Variants in SLC4A4 observed in about 807,000 individuals in gnomAD.
The protein encoded by SLC4A4 is electrogenic sodium bicarbonate cotransporter 1.
A neutral mutation model predicts 111.5 loss-of-function variants in SLC4A4; 27 were observed. The observed-to-expected ratio is 0.24, with a 90% CI of 0.18 to 0.33. SLC4A4 has a LOEUF of 0.33. Among genes scored for constraint, SLC4A4 ranks in the 10% least tolerant of loss-of-function variants. SLC4A4 has a pLI of 1.00. For synonymous variants in SLC4A4, 443 were observed against 463.4 expected (o/e 0.96, Z 0.57); for missense variants, 909 against 1,315.5 (o/e 0.69, Z 4.78).
intron 16 of SLC4A4, among the ~76,000 whole-genome samples, chr4:71,526,803 A>G (rs1733459695): frequency 6.6e-6 from 1 of 151,948 alleles, no homozygotes; most frequent in Admixed American, 6.6e-5. Context: ...CTAGGGGAGA[A>G]TGTGTTTCTT....
rs544199233 is a variant in SLC4A4 at position 71,131,386 on chromosome 4, C to T, written c.-2+38594C>T. On this transcript the variant is annotated intron_variant, in intron 2 of 26. Coordinates refer to the SLC4A4 transcript ENST00000649996. ...CAAGAAACTACTCATCCTAAAAGCT[C>T]GAGATCACTGGGAACTGCGTGACTT... 4.6e-5 allele frequency among the ~76,000 whole-genome samples: 7 copies of T among 152,226 alleles called. No homozygotes were observed. The East Asian group carries it at 1.4e-3, about 29-fold the overall frequency.
chr4:71,143,493 T>C (rs1744069253), intron 2 of SLC4A4, among the ~76,000 whole-genome samples: 1 of 152,200 alleles, frequency 6.6e-6, no homozygotes, highest in Non-Finnish European at 1.5e-5. Flanking sequence ...CAAATGGTAT[T>C]TCTAATTCTA....
At chr4:71,563,624 AG>A (rs1737185275) in intron 23 of SLC4A4, among the ~76,000 whole-genome samples, 168 bp from the exon 24 acceptor site, 1 of 151,968 alleles carries the variant, frequency 6.6e-6, no homozygotes, top group African/African-American at 2.4e-5. Context: ...AACAAATGTG[AG>A]GGGGAAAGAA....
chr4:71,548,002 C>T (rs1183459054), intron 20 of SLC4A4, among the ~76,000 whole-genome samples: 1 of 151,810 alleles, frequency 6.6e-6, no homozygotes, highest in Non-Finnish European at 1.5e-5. Context: ...TAGTTTCATG[C>T]AATTGAATCA....
chr4:71,286,108 C>A (rs1236885144), intron 3 of SLC4A4, among the ~76,000 whole-genome samples: 1 of 152,088 alleles, frequency 6.6e-6, no homozygotes, highest in Non-Finnish European at 1.5e-5. Flanking sequence ...GGCATGGTGG[C>A]GGGCGCCTAT....
intron 18 of SLC4A4, among the ~76,000 whole-genome samples, chr4:71,535,792 G>A (rs141828846): frequency 2.4e-4 from 37 of 152,106 alleles, no homozygotes; most frequent in Admixed American, 6.6e-4. Context: ...TTCAATACAA[G>A]GCAGTTCATA....
At chr4:71,559,961 GATCAGGTCTGTC>G in intron 22 of SLC4A4, 120 bp from the exon 23 acceptor site, 1 of 723,156 alleles carries the variant, frequency 1.4e-6, no homozygotes, top group Non-Finnish European at 2.5e-6. Context: ...ATACCGTCAA[GATCAGGTCTGTC>G]ATACTCTATC....
rs112817507 is a variant in SLC4A4 at position 71,153,203 on chromosome 4, A to G, written c.-2+60411A>G. Among the ~76,000 whole-genome samples the G allele has an allele frequency of 5.4e-3, 824 of 152,024 alleles. 8 individuals carry two copies. The highest frequency in any genetic ancestry group is 0.018 in the African/African-American group (765 of 41,476). Reference sequence around the variant, plus strand: ...TGTTTGAGGGCAGGAAGCATCCAGTACAGGAGAAAGATGTAGGCTGGGAGG... The same window carrying G: ...TGTTTGAGGGCAGGAAGCATCCAGTGCAGGAGAAAGATGTAGGCTGGGAGG... On this transcript the variant is annotated intron_variant, in intron 2 of 26. Transcript: ENST00000649996.
chr4:71,125,448 G>A (rs1428141972), intron 2 of SLC4A4, among the ~76,000 whole-genome samples: 1 of 152,160 alleles, frequency 6.6e-6, no homozygotes, highest in African/African-American at 2.4e-5. Context: ...GGTGGCACAG[G>A]CCTCAGGAGG....
At chr4:71,084,030 G>GA (rs1445547804) in intron 1 of SLC4A4, among the ~76,000 whole-genome samples, 2 of 151,608 alleles carry the variant, frequency 1.3e-5, no homozygotes, top group Non-Finnish European at 2.9e-5. Flanking sequence ...CTGTCTCTGT[G>GA]TGTGTGCATT....
chr4:71,296,239 A>G (rs1724778682), intron 3 of SLC4A4, among the ~76,000 whole-genome samples: 3 of 152,236 alleles, frequency 2.0e-5, no homozygotes, highest in Admixed American at 2.0e-4. Context: ...TGGAGCAGAA[A>G]GTGAAAGTCT....
In SLC4A4 at chr4:71,571,252, A is replaced by G. The variant is rs1737919398; in HGVS notation, c.*3501A>G. The G allele has an allele frequency of 6.6e-6, 1 of 152,294 alleles. No homozygotes were observed. 9.4% of individuals were successfully genotyped at this position (152,294 alleles called of 1,614,324 possible). A position where few individuals can be genotyped will look rare whatever the true frequency, so the allele number is the denominator to read the frequency against. ...TTGACATTGTTCAGGGATGGGACAA[A>G]GCCTTCTTCAATCCTTTTCATACTA... On this transcript the variant is annotated 3_prime_UTR_variant, in exon 26 of 26. Transcript: ENST00000264485.
At position 71,534,593 on chromosome 4, in the gene SLC4A4, A is replaced by T. The variant is rs959358047; in HGVS notation, c.2442+205A>T. Among the ~76,000 whole-genome samples, 17 of 152,258 alleles carry T rather than the reference A, an allele frequency of 1.1e-4. No homozygotes were observed. The East Asian group carries it at 2.5e-3, about 22-fold the overall frequency. The stretch of plus-strand genomic sequence containing the variant: ...GAGAGCTCATTTAAATCTGAAAAAA[A>T]AAAAAGGTTTCAAATCATATTTCTT... On this transcript the variant is annotated intron_variant, in intron 18 of 25. Coordinates refer to ENST00000264485, the MANE Select transcript of SLC4A4 (RefSeq NM_001098484.3).
At chr4:71,418,691 C>T (rs1266822497) in intron 7 of SLC4A4, among the ~76,000 whole-genome samples, 1 of 152,130 alleles carries the variant, frequency 6.6e-6, no homozygotes, top group Non-Finnish European at 1.5e-5. Flanking sequence ...AGTAATTATC[C>T]CAGGGGTTTT....
At chr4:71,110,247 C>G (rs1478633089) in intron 2 of SLC4A4, among the ~76,000 whole-genome samples, 1 of 152,182 alleles carries the variant, frequency 6.6e-6, no homozygotes, top group Non-Finnish European at 1.5e-5. Context: ...CAGGGTCTCA[C>G]TCTGCTGCCC....
chr4:71,381,250 C>T (rs773919846), intron 6 of SLC4A4, among the ~76,000 whole-genome samples: 4 of 152,166 alleles, frequency 2.6e-5, no homozygotes, highest in Non-Finnish European at 5.9e-5. Flanking sequence ...AAAATCGATT[C>T]TTCTAGCACA....
At chr4:71,158,638 G>A (rs949579512) in intron 2 of SLC4A4, among the ~76,000 whole-genome samples, 5 of 152,170 alleles carry the variant, frequency 3.3e-5, no homozygotes, top group African/African-American at 1.2e-4. Flanking sequence ...AGGAATGACT[G>A]ACTTTGAGCA....
intron 18 of SLC4A4, 54 bp downstream of exon 18, chr4:71,534,442 G>T: frequency 1.3e-6 from 2 of 1,550,050 alleles, no homozygotes; most frequent in Non-Finnish European, 1.8e-6. Flanking sequence ...TTTAGTACTT[G>T]AAAACACTAA....
At chr4:71,102,461 C>T (rs1295269732) in intron 2 of SLC4A4, among the ~76,000 whole-genome samples, 1 of 151,854 alleles carries the variant, frequency 6.6e-6, no homozygotes, top group Non-Finnish European at 1.5e-5. Context: ...CTCCAAGACA[C>T]ATAATTGTCA....
Sources: allele counts gnomAD v4.1 joint callset (sites outside exome capture counted in the v4.1 genomes callset), GRCh38; gene constraint gnomAD v4.1.1; transcripts MANE v1.5; gene names NCBI Gene and HGNC (gene_info 2026-07-23, HGNC 2026-07-21).